Variants in LAMA2 observed in about 807,000 individuals in gnomAD.
LAMA2 encodes laminin subunit alpha 2.
A neutral mutation model predicts 364.8 loss-of-function variants in LAMA2; 269 were observed. The ratio of observed to expected loss-of-function variants is 0.74; its 90% confidence interval spans 0.67 to 0.82. LAMA2 has a LOEUF of 0.82. Ranked by LOEUF, LAMA2 falls within the 40% of genes least tolerant of loss-of-function variation. The pLI is 0.00. For synonymous variants in LAMA2, 1,379 were observed against 1,370.6 expected (o/e 1.01, Z -0.14); for missense variants, 3,807 against 3,873.2 (o/e 0.98, Z 0.45).
chr6:129,345,096 A>G (rs1583541802), intron 30 of LAMA2, among the ~76,000 whole-genome samples: 1 of 152,266 alleles, frequency 6.6e-6, no homozygotes, highest in African/African-American at 2.4e-5. Context: ...AGTAAGGTAT[A>G]TTGAGGCAGA....
At chr6:129,426,006 T>C (rs956126055) in intron 40 of LAMA2, among the ~76,000 whole-genome samples, 1 of 152,124 alleles carries the variant, frequency 6.6e-6, no homozygotes, top group Admixed American at 6.6e-5. Context: ...GGGAAAGCTG[T>C]TTTCTTTTTT....
chr6:129,099,850 G>A (rs1356888565), intron 4 of LAMA2, among the ~76,000 whole-genome samples: 5 of 152,156 alleles, frequency 3.3e-5, no homozygotes, highest in Admixed American at 1.3e-4. Context: ...CAAATGACAA[G>A]GACTCAAATG....
chr6:129,377,150 G>A (rs1381094984), intron 34 of LAMA2, among the ~76,000 whole-genome samples: 1 of 151,870 alleles, frequency 6.6e-6, no homozygotes, highest in African/African-American at 2.4e-5. Flanking sequence ...TATTCTGTAA[G>A]GGGAGAATGC....
chr6:129,108,575 AC>A (rs1775966113), intron 4 of LAMA2, among the ~76,000 whole-genome samples: 1 of 151,880 alleles, frequency 6.6e-6, no homozygotes, highest in Admixed American at 6.6e-5. Context: ...CACCCATTCA[AC>A]CCATCTGTAG....
chr6:128,923,422 C>T (rs1325999943), intron 1 of LAMA2, among the ~76,000 whole-genome samples: 4 of 147,858 alleles, frequency 2.7e-5, no homozygotes, highest in African/African-American at 7.3e-5. Context: ...AGAGGTCCTT[C>T]ACATCCCTTG....
chr6:129,295,442 C>T (rs1256623383), intron 20 of LAMA2, among the ~76,000 whole-genome samples: 1 of 152,002 alleles, frequency 6.6e-6, no homozygotes, highest in Non-Finnish European at 1.5e-5. Flanking sequence ...CAATTACTGA[C>T]CATGAATGTC....
At chr6:129,379,122 T>C (rs367973563) in intron 34 of LAMA2, among the ~76,000 whole-genome samples, 157 of 152,192 alleles carry the variant, frequency 1.0e-3, no homozygotes, top group African/African-American at 3.4e-3. Context: ...AATCAAATAC[T>C]GTATGTCCCA....
At chr6:129,516,143 G>A in intron 64 of LAMA2, 47 bp from the exon 65 acceptor site, 1 of 1,598,370 alleles carries the variant, frequency 6.3e-7, no homozygotes, top group Non-Finnish European at 8.6e-7. Context: ...CTTAATATTT[G>A]GTGCAGGACA....
chr6:129,037,666 AT>A lies in LAMA2; in HGVS notation c.113-12235del, dbSNP rs375410908. The stretch of plus-strand genomic sequence containing the variant: ...TACTCCACAATATTCATTTAATTTA[AT>A]TTTTTTTTTTTTTTTTGAGACGGAG... On this transcript the variant is annotated intron_variant, in intron 1 of 64. Transcript: ENST00000421865. Among the ~76,000 whole-genome samples the A allele has an allele frequency of 9.9e-3, 1,388 of 140,716 alleles. 11 individuals are homozygous for A. The highest frequency in any genetic ancestry group is 0.016 in the East Asian group (77 of 4,892). The allele number at this position is 140,716 out of a possible 152,430, so 92.3% of individuals were successfully genotyped here.
At chr6:129,096,356 A>C (rs1775187055) in intron 3 of LAMA2, among the ~76,000 whole-genome samples, 1 of 152,186 alleles carries the variant, frequency 6.6e-6, no homozygotes, top group African/African-American at 2.4e-5. Context: ...ATGTTCATAC[A>C]AAAAATATAG....
At chr6:129,503,661 T>G (rs116236209) in intron 60 of LAMA2, among the ~76,000 whole-genome samples, 192 of 152,336 alleles carry the variant, frequency 1.3e-3, no homozygotes, top group African/African-American at 4.4e-3. Context: ...TGAGATTATA[T>G]TATAGCATTT....
intron 40 of LAMA2, among the ~76,000 whole-genome samples, chr6:129,411,436 C>T (rs1030146565): frequency 2.6e-5 from 4 of 152,182 alleles, no homozygotes; most frequent in African/African-American, 9.6e-5. Context: ...AAGATGTAAG[C>T]TTTAAACAAA....
chr6:129,302,529 T>TA (rs1237366422), intron 22 of LAMA2, among the ~76,000 whole-genome samples: 2 of 152,128 alleles, frequency 1.3e-5, no homozygotes, highest in African/African-American at 4.8e-5. Flanking sequence ...CCATACTTTT[T>TA]ATGTTCTACC....
intron 4 of LAMA2, among the ~76,000 whole-genome samples, chr6:129,126,626 A>G (rs1777130553): frequency 6.6e-6 from 1 of 152,244 alleles, no homozygotes; most frequent in Non-Finnish European, 1.5e-5. Flanking sequence ...AGCCAGAATC[A>G]AAACCCAATT....
intron 3 of LAMA2, among the ~76,000 whole-genome samples, chr6:129,089,483 G>T (rs1774669921): frequency 6.6e-6 from 1 of 152,200 alleles, no homozygotes; most frequent in African/African-American, 2.4e-5. Context: ...GATTGCCTGT[G>T]ATTCACACCA....
intron 1 of LAMA2, among the ~76,000 whole-genome samples, chr6:129,048,929 A>G (rs1397375250): frequency 2.0e-5 from 3 of 151,994 alleles, no homozygotes; most frequent in East Asian, 1.9e-4. Context: ...ATGACTTTCT[A>G]TCAGAAGTTG....
chr6:129,247,205 T>A (rs1283645414), intron 12 of LAMA2, among the ~76,000 whole-genome samples: 1 of 152,190 alleles, frequency 6.6e-6, no homozygotes, highest in Non-Finnish European at 1.5e-5. Flanking sequence ...ATCCCAGCAC[T>A]TTGGGAGACG....
intron 3 of LAMA2, among the ~76,000 whole-genome samples, chr6:129,060,284 G>A (rs1489799494): frequency 6.6e-6 from 1 of 152,164 alleles, no homozygotes; most frequent in Non-Finnish European, 1.5e-5. Flanking sequence ...AAAGGTTCTT[G>A]GATAACAAGG....
At chr6:129,008,274 A>G (rs1318460399) in intron 1 of LAMA2, among the ~76,000 whole-genome samples, 3 of 152,066 alleles carry the variant, frequency 2.0e-5, no homozygotes, top group South Asian at 2.1e-4. Context: ...TGATCTTAAG[A>G]TTACTCCTTT....
Sources: gnomAD v4.1 joint callset for allele counts (sites outside exome capture counted in the v4.1 genomes callset) on GRCh38, gnomAD v4.1.1 for gene constraint, MANE v1.5 for transcripts, NCBI Gene and HGNC (gene_info 2026-07-23, HGNC 2026-07-21) for gene names.